Variants in ARHGEF3 observed in about 807,000 individuals in gnomAD.
ARHGEF3 encodes the protein 59.8 kDA protein.
In ARHGEF3, 28 loss-of-function variants were observed where a neutral mutation model predicts 63.2. The observed-to-expected ratio is 0.44, with a 90% CI of 0.33 to 0.61. ARHGEF3 has a LOEUF of 0.61. Ranked by LOEUF, ARHGEF3 falls within the 20% of genes least tolerant of loss-of-function variation. The pLI is 0.03. For synonymous variants in ARHGEF3, 266 were observed against 254.2 expected, an observed-to-expected ratio of 1.05 and a Z score of -0.44; for missense variants, 533 against 659.3, an observed-to-expected ratio of 0.81 and a Z score of 2.10.
At chr3:57,000,308 T>A (rs13069701) in intron 2 of ARHGEF3, among the ~76,000 whole-genome samples, 2,239 of 27,166 alleles carry the variant, frequency 0.082, 66 homozygotes, top group African/African-American at 0.12. Flanking sequence ...AGAGGGTAAC[T>A]CCCACACACA....
Position 57,026,932 on chromosome 3 carries a change from C to T in ARHGEF3, c.62+8156G>A, listed in dbSNP as rs574688843. Reference sequence around the variant, plus strand: ...ATGTCTGACTGTAGCCCAGCATGCCCGAAAGAGTGATTAGTACATAGTAGG... The same window carrying T: ...ATGTCTGACTGTAGCCCAGCATGCCTGAAAGAGTGATTAGTACATAGTAGG... On this transcript the variant is annotated intron_variant, in intron 2 of 12. Coordinates refer to the ARHGEF3 transcript ENST00000338458. 1.1e-4 allele frequency among the ~76,000 whole-genome samples: 16 copies of T among 152,236 alleles called. 1 individual carries two copies. Among genetic ancestry groups the T allele is most frequent in the Admixed American group, 6.5e-4 (10 of 15,292 alleles).
intron 3 of ARHGEF3, among the ~76,000 whole-genome samples, chr3:56,886,762 G>A (rs2040938779): frequency 6.6e-6 from 1 of 152,172 alleles, no homozygotes; most frequent in African/African-American, 2.4e-5. Context: ...ACCCCATGAG[G>A]TAGGTGGATA....
chr3:57,058,753 CAAT>C, intron 1 of ARHGEF3, among the ~76,000 whole-genome samples: 1 of 152,048 alleles, frequency 6.6e-6, no homozygotes, highest in Non-Finnish European at 1.5e-5. Context: ...CAATGTCCAA[CAAT>C]GATAGACTGG....
At chr3:57,078,613 T>A (rs1304425644) in intron 1 of ARHGEF3, 1 of 152,252 alleles carries the variant, frequency 6.6e-6, no homozygotes, top group Non-Finnish European at 1.5e-5. Flanking sequence ...TGGTGTCCTA[T>A]CTCGGGATTT....
chr3:56,963,684 AAC>A (rs1403131805), intron 2 of ARHGEF3, among the ~76,000 whole-genome samples: 3 of 152,208 alleles, frequency 2.0e-5, no homozygotes, highest in Non-Finnish European at 2.9e-5. Flanking sequence ...AGAAAAATCA[AAC>A]AGCTATATTT....
chr3:56,750,940 G>A (rs562645889), intron 6 of ARHGEF3, 116 bp downstream of exon 6: 1 of 704,522 alleles, frequency 1.4e-6, no homozygotes, highest in East Asian at 3.5e-5. Flanking sequence ...TTTTTCTGAT[G>A]TGAAACCAAC....
At chr3:56,738,721 C>T (rs1003552375) in intron 7 of ARHGEF3, among the ~76,000 whole-genome samples, 21 of 152,044 alleles carry the variant, frequency 1.4e-4, no homozygotes, top group African/African-American at 4.8e-4. Context: ...ATGTGTTGGT[C>T]ATTCTGTCAT....
At chr3:57,003,720 G>A (rs1013104916) in intron 2 of ARHGEF3, among the ~76,000 whole-genome samples, 2 of 152,178 alleles carry the variant, frequency 1.3e-5, no homozygotes, top group African/African-American at 4.8e-5. Context: ...CCTCTGACAG[G>A]GAAGCAAGAA....
upstream of ARHGEF3, among the ~76,000 whole-genome samples, chr3:56,805,698 G>A (rs753461618): frequency 6.6e-6 from 1 of 152,066 alleles, no homozygotes. Flanking sequence ...AAATACACAG[G>A]GCTACACAAC....
chr3:56,958,907 A>G (rs775212803), intron 2 of ARHGEF3: 1 of 1,544,972 alleles, frequency 6.5e-7, no homozygotes, highest in South Asian at 1.2e-5. Flanking sequence ...AGAAAAGACA[A>G]TGTATTCATT....
At chr3:56,902,863 C>A (rs2108313625) in intron 3 of ARHGEF3, among the ~76,000 whole-genome samples, 1 of 152,268 alleles carries the variant, frequency 6.6e-6, no homozygotes, top group Non-Finnish European at 1.5e-5. Context: ...CAAACACCAA[C>A]CCAAGTCAGG....
At chr3:56,840,847 CT>C (rs1228608941) in intron 4 of ARHGEF3, among the ~76,000 whole-genome samples, 1 of 152,014 alleles carries the variant, frequency 6.6e-6, no homozygotes, top group Non-Finnish European at 1.5e-5. Flanking sequence ...TTTTCATTTT[CT>C]TTGGTAAGAA....
At chr3:57,052,233 C>T (rs1398440615) in intron 1 of ARHGEF3, among the ~76,000 whole-genome samples, 7 of 152,322 alleles carry the variant, frequency 4.6e-5, no homozygotes, top group African/African-American at 7.2e-5. Flanking sequence ...TCACATCCTG[C>T]GGTGCCTGTA....
rs370281267 is a variant in ARHGEF3, at chr3:56,775,796, G to A, written c.97-1980C>T. On this transcript the variant is annotated intron_variant, in intron 1 of 9. Transcript: ENST00000296315. The stretch of plus-strand genomic sequence containing the variant: ...ACTGAATACACACACACACACACGC[G>A]CAAGCACACACACACACACACACAC... 2,185 of 307,094 alleles carry A rather than the reference G, an allele frequency of 7.1e-3. 54 individuals are homozygous for A. The African/African-American group carries it at 0.076, about 11-fold the overall frequency. 19.0% of individuals were successfully genotyped at this position (307,094 alleles called of 1,614,324 possible). A position where few individuals can be genotyped will look rare whatever the true frequency, so the allele number is the denominator to read the frequency against.
At chr3:57,054,134 A>G (rs1037012545) in intron 1 of ARHGEF3, among the ~76,000 whole-genome samples, 1 of 152,188 alleles carries the variant, frequency 6.6e-6, no homozygotes, top group African/African-American at 2.4e-5. Flanking sequence ...AGTGTGTGTG[A>G]GTTCCAGTTG....
rs1341837435 is a variant in ARHGEF3, at chr3:57,038,093, A to G, written c.-27-2917T>C. Among the ~76,000 whole-genome samples the G allele has an allele frequency of 7.9e-5, 12 of 152,332 alleles. No individual in the cohort carries two copies. In the East Asian group the frequency reaches 2.1e-3, roughly 27 times the overall value. ...TGAAGAATCAGAAAACTGGGCACAA[A>G]GAAGTTAAGACTTGGCAAAGGCCAC... On this transcript the variant is annotated intron_variant, in intron 1 of 12. Coordinates refer to the ARHGEF3 transcript ENST00000338458.
At chr3:56,882,107 T>C (rs936219286) in intron 4 of ARHGEF3, among the ~76,000 whole-genome samples, 2 of 152,228 alleles carry the variant, frequency 1.3e-5, no homozygotes, top group African/African-American at 2.4e-5. Flanking sequence ...GAAGTTTAAG[T>C]TGGCCACACA....
At chr3:56,953,278 T>A (rs1056561589) in intron 3 of ARHGEF3, among the ~76,000 whole-genome samples, 1 of 152,218 alleles carries the variant, frequency 6.6e-6, no homozygotes, top group Non-Finnish European at 1.5e-5. Context: ...TCAGAGCAAC[T>A]CTCCATCTGA....
intron 2 of ARHGEF3, among the ~76,000 whole-genome samples, chr3:57,032,905 A>T (rs1258870873): frequency 6.6e-6 from 1 of 152,122 alleles, no homozygotes; most frequent in Non-Finnish European, 1.5e-5. Flanking sequence ...GGCTCCCCAG[A>T]TGCCCTGGGG....
Sources: gnomAD v4.1 joint callset for allele counts (sites outside exome capture counted in the v4.1 genomes callset) on GRCh38, gnomAD v4.1.1 for gene constraint, MANE v1.5 for transcripts, NCBI Gene and HGNC (gene_info 2026-07-23, HGNC 2026-07-21) for gene names.